Variants in ETS1 observed in about 807,000 individuals in gnomAD.
ETS1 encodes the protein ETS proto-oncogene 1, transcription factor, also known as protein C-ets-1.
ETS1 carries 15 observed loss-of-function variants against 58.6 expected under a neutral mutation model. That is an observed-to-expected ratio of 0.26 (90% confidence interval 0.17 to 0.39). The LOEUF is 0.39. Ranked by LOEUF, ETS1 falls within the 10% of genes least tolerant of loss-of-function variation. The pLI is 1.00. For missense variants in ETS1, 417 were observed against 610.5 expected (o/e 0.68, Z 3.34); for synonymous variants, 214 against 218.2 (o/e 0.98, Z 0.17).
At chr11:128,525,619 G>GAAA (rs10554000) in intron 3 of ETS1, among the ~76,000 whole-genome samples, 22 of 75,794 alleles carry the variant, frequency 2.9e-4, no homozygotes, top group Admixed American at 4.3e-4. Context: ...GTAAGATTTA[G>GAAA]AAAAAAAAAA....
At chr11:128,552,088 T>C (rs890905515) in intron 3 of ETS1, among the ~76,000 whole-genome samples, 1 of 152,044 alleles carries the variant, frequency 6.6e-6, no homozygotes, top group Non-Finnish European at 1.5e-5. Context: ...TTCTAACAAG[T>C]TCTCAGATGA....
chr11:128,497,305 G>A (rs1862970029), intron 3 of ETS1, among the ~76,000 whole-genome samples: 1 of 152,182 alleles, frequency 6.6e-6, no homozygotes. Flanking sequence ...TGCCAACTCA[G>A]AGGAGATGCC....
At chr11:128,580,272 T>C (rs917654536) in intron 1 of ETS1, among the ~76,000 whole-genome samples, 1 of 151,420 alleles carries the variant, frequency 6.6e-6, no homozygotes, top group Admixed American at 6.6e-5. Flanking sequence ...ACAAGCAAGA[T>C]GGCACTTTTC....
chr11:128,558,769 CT>C (rs1864357773), intron 2 of ETS1, among the ~76,000 whole-genome samples: 1 of 151,580 alleles, frequency 6.6e-6, no homozygotes, highest in Admixed American at 6.6e-5. Flanking sequence ...ATGCTATATG[CT>C]CCTGAAGCAG....
intron 3 of ETS1, among the ~76,000 whole-genome samples, chr11:128,524,358 T>A (rs1288563830): frequency 6.6e-6 from 1 of 152,188 alleles, no homozygotes; most frequent in Non-Finnish European, 1.5e-5. Flanking sequence ...AATCAAGGAA[T>A]AGGGTTGCGT....
chr11:128,556,527 TGTAA>T (rs1191829919), intron 2 of ETS1, 92 bp from the exon 3 acceptor site: 13 of 815,544 alleles, frequency 1.6e-5, no homozygotes, highest in Non-Finnish European at 2.2e-5. Context: ...TCCAATCACA[TGTAA>T]GTAAGAATCA....
chr11:128,489,225 G>T, intron 5 of ETS1, 65 bp downstream of exon 5: 1 of 1,412,748 alleles, frequency 7.1e-7, no homozygotes, highest in South Asian at 1.2e-5. Flanking sequence ...CATTGGGTGA[G>T]CCCCCTACCT....
At chr11:128,516,561 G>A (rs958292496) in intron 3 of ETS1, among the ~76,000 whole-genome samples, 7 of 152,286 alleles carry the variant, frequency 4.6e-5, no homozygotes, top group African/African-American at 1.7e-4. Context: ...CAGTAATAAA[G>A]AAACCAATGC....
chr11:128,469,910 CG>C (rs1191040022), intron 8 of ETS1, among the ~76,000 whole-genome samples: 1 of 152,188 alleles, frequency 6.6e-6, no homozygotes, highest in African/African-American at 2.4e-5. Flanking sequence ...CCAATACGGC[CG>C]TGGTTTAAAG....
intron 8 of ETS1, among the ~76,000 whole-genome samples, chr11:128,470,478 C>T (rs879618471): frequency 3.3e-5 from 5 of 152,202 alleles, no homozygotes; most frequent in Admixed American, 6.5e-5. Context: ...GTAATCTCTG[C>T]TTCTCTTTAG....
chr11:128,490,218 T>G (rs1161581503), intron 4 of ETS1, among the ~76,000 whole-genome samples: 2 of 152,198 alleles, frequency 1.3e-5, no homozygotes, highest in African/African-American at 4.8e-5. Context: ...GAAGTGATTC[T>G]AGTGTGCAGG....
Position 128,533,767 on chromosome 11 carries a change from G to A in ETS1, c.214+22524C>T, listed in dbSNP as rs539103775. On this transcript the variant is annotated intron_variant, in intron 3 of 9. Coordinates refer to ENST00000392668, the MANE Select transcript of ETS1 (RefSeq NM_001143820.2). ...TATAGGTTTCCAATGGGGCGCTTAC[G>A]TTACCAAAAATAATCTGAGCCCCTC... Among the ~76,000 whole-genome samples the A allele has an allele frequency of 1.1e-4, 17 of 152,262 alleles. No individual in the cohort carries two copies. The East Asian group carries it at 1.3e-3, about 12-fold the overall frequency.
intron 8 of ETS1, among the ~76,000 whole-genome samples, chr11:128,478,193 C>T (rs1862375054): frequency 6.6e-6 from 1 of 152,020 alleles, no homozygotes; most frequent in African/African-American, 2.4e-5. Context: ...AATCACCACC[C>T]CTTCTCTTCT....
intron 3 of ETS1, among the ~76,000 whole-genome samples, chr11:128,505,938 C>T (rs1863217515): frequency 6.6e-6 from 1 of 152,180 alleles, no homozygotes; most frequent in Non-Finnish European, 1.5e-5. Flanking sequence ...GACACTAGCT[C>T]ACTACACAGT....
At chr11:128,469,215 C>G (rs1203174065) in intron 8 of ETS1, among the ~76,000 whole-genome samples, 3 of 152,276 alleles carry the variant, frequency 2.0e-5, no homozygotes, top group East Asian at 3.9e-4. Context: ...AAAGTCAAAT[C>G]AAATACCTCG....
At chr11:128,493,411 G>A (rs1176789907) in intron 3 of ETS1, among the ~76,000 whole-genome samples, 2 of 152,212 alleles carry the variant, frequency 1.3e-5, no homozygotes. Context: ...CAGGAAAGCA[G>A]CTAGAATTAC....
chr11:128,558,318 A>T (rs1398596701), intron 2 of ETS1, among the ~76,000 whole-genome samples: 1 of 152,220 alleles, frequency 6.6e-6, no homozygotes, highest in Non-Finnish European at 1.5e-5. Flanking sequence ...CAGGGGAACC[A>T]TCAGCAAGAA....
chr11:128,486,132 A>G lies in ETS1; in HGVS notation c.550T>C (p.Tyr184His). 6.2e-7 allele frequency: 1 copy of G among 1,605,504 alleles called. No individual in the cohort carries two copies. The highest frequency in any genetic ancestry group is 8.5e-7 in the Non-Finnish European group (1 of 1,172,192). ...GCTGGGTTGACTCCATTAACTTGATATGGTTTCACATCCTCTGTAATGAAC... is the reference window on the plus strand; with the variant it reads ...GCTGGGTTGACTCCATTAACTTGATGTGGTTTCACATCCTCTGTAATGAAC... ...EILQKEDVKP[Y>H]QVNGVNPAYP... is the part of the protein sequence containing the mutation. Residue 184 changes from tyrosine (Y) to histidine (H), a missense_variant, in exon 6 of 10, where the codon TAT (tyrosine) becomes CAT (histidine). By Grantham distance (83) the Tyr-to-His change is moderately conservative (BLOSUM62 2). Around this residue, in one of 4 missense-constraint regions of ETS1, gnomAD observed 132 missense variants for 212.1 expected, o/e 0.62. Coordinates refer to ENST00000392668, the MANE Select transcript of ETS1 (RefSeq NM_001143820.2).
At chr11:128,489,523 G>C in intron 4 of ETS1, 33 bp from the exon 5 acceptor site, 2 of 1,594,052 alleles carry the variant, frequency 1.3e-6, no homozygotes, top group Non-Finnish European at 8.6e-7. Context: ...GATCCAGCAG[G>C]TCGGGCTTTT....
Sources: gnomAD v4.1 joint callset for allele counts (sites outside exome capture counted in the v4.1 genomes callset) on GRCh38, gnomAD v4.1.1 for gene constraint, gnomAD v4.1.1 regional missense constraint, MANE v1.5 for transcripts, NCBI Gene and HGNC (gene_info 2026-07-23, HGNC 2026-07-21) for gene names.